The following TENM4 variants were observed in gnomAD, a reference collection of about 807,000 sequenced individuals.
The protein encoded by TENM4 is teneurin-4.
TENM4 carries 82 observed loss-of-function variants against 243.3 expected under a neutral mutation model. The ratio of observed to expected loss-of-function variants is 0.34; its 90% CI spans 0.28 to 0.40. The LOEUF is 0.40. Among genes scored for constraint, TENM4 ranks in the 10% least tolerant of loss-of-function variants. The pLI is 1.00. For missense variants in TENM4, 3,138 were observed against 3,673.3 expected, an observed-to-expected ratio of 0.85 and a Z score of 3.77; for synonymous variants, 1,412 against 1,456.3, an observed-to-expected ratio of 0.97 and a Z score of 0.69.
chr11:79,035,264 G>T (rs1022334821), intron 6 of TENM4, among the ~76,000 whole-genome samples: 1 of 152,146 alleles, frequency 6.6e-6, no homozygotes, highest in Non-Finnish European at 1.5e-5. Context: ...ATCCACAGGG[G>T]ACACGGCTGG....
rs1238272969 is a variant in TENM4 at position 79,164,014 on chromosome 11, ATATATAGTATG to A, written c.-162-15219_-162-15209del. 1.6e-4 allele frequency among the ~76,000 whole-genome samples: 11 copies of A among 69,030 alleles called. No homozygotes were observed. In the East Asian group the frequency reaches 3.6e-3, roughly 23 times the overall value. 45.3% of individuals were successfully genotyped at this position (69,030 alleles called of 152,430 possible). ...GTATATATAGTATAGTATATAGTAT[ATATATAGTATG>A]TATATAGTATATATACACTATAAAT... On this transcript the variant is annotated intron_variant, in intron 3 of 33. Coordinates refer to ENST00000278550, the MANE Select transcript of TENM4 (RefSeq NM_001098816.3).
chr11:78,814,354 C>A lies in TENM4; in HGVS notation c.1723G>T (p.Asp575Tyr). The A allele has an allele frequency of 6.4e-7, 1 of 1,550,418 alleles. No homozygotes were observed. The highest frequency in any genetic ancestry group is 8.7e-7 in the Non-Finnish European group (1 of 1,146,472). ...CAGTGGCAGGTCCCAGAGATGCAGT[C>A]ACCATTGCCATAGCAGTTGCTGGGG... is the stretch of plus-strand genomic sequence containing the variant. ...NCPSNCYGNG[D>Y]CISGTCHCFL... is the part of the protein sequence containing the mutation. The change falls in exon 13 of 34, where the codon GAC (aspartate) becomes TAC (tyrosine). Residue 575 changes from aspartate to tyrosine, a missense_variant. Around this residue, in one of 2 missense-constraint regions of TENM4, gnomAD observed 2,467 missense variants for 3,059.1 expected, o/e 0.81. Transcript: ENST00000278550.
At chr11:78,974,923 A>C (rs1364222030) in intron 6 of TENM4, among the ~76,000 whole-genome samples, 1 of 151,266 alleles carries the variant, frequency 6.6e-6, no homozygotes, top group Non-Finnish European at 1.5e-5. Context: ...GACCTTATAT[A>C]ATCTGCCCAC....
At chr11:79,299,775 C>T (rs1236299123) in intron 1 of TENM4, among the ~76,000 whole-genome samples, 1 of 152,228 alleles carries the variant, frequency 6.6e-6, no homozygotes, top group African/African-American at 2.4e-5. Context: ...AGTGACTATA[C>T]TGGACACTAA....
intron 2 of TENM4, among the ~76,000 whole-genome samples, chr11:79,227,704 G>C (rs1288546663): frequency 6.6e-6 from 1 of 152,146 alleles, no homozygotes; most frequent in East Asian, 1.9e-4. Context: ...TTTTGCTGTT[G>C]GTTGATAAAC....
chr11:78,881,224 C>T (rs1307455445), intron 9 of TENM4, among the ~76,000 whole-genome samples: 4 of 152,128 alleles, frequency 2.6e-5, no homozygotes, highest in Admixed American at 2.0e-4. Context: ...GGAATTATGA[C>T]ACAGGGGAAG....
intron 17 of TENM4, among the ~76,000 whole-genome samples, chr11:78,774,522 G>C (rs895020901): frequency 8.5e-5 from 13 of 152,168 alleles, no homozygotes; most frequent in African/African-American, 2.9e-4. Flanking sequence ...CAAGGATACT[G>C]AAATGATCAA....
intron 4 of TENM4, among the ~76,000 whole-genome samples, chr11:79,131,861 G>A (rs956701768): frequency 6.6e-6 from 1 of 152,058 alleles, no homozygotes; most frequent in African/African-American, 2.4e-5. Flanking sequence ...CATACAAATG[G>A]ACACCAAAAG....
intron 3 of TENM4, among the ~76,000 whole-genome samples, chr11:79,167,805 C>T (rs986829868): frequency 6.6e-6 from 1 of 152,124 alleles, no homozygotes; most frequent in Non-Finnish European, 1.5e-5. Flanking sequence ...TCTGACCCTC[C>T]CCTCTCTAAA....
chr11:78,897,250 G>T (rs1855819704), intron 7 of TENM4, among the ~76,000 whole-genome samples: 1 of 152,140 alleles, frequency 6.6e-6, no homozygotes, highest in Non-Finnish European at 1.5e-5. Flanking sequence ...CACTGAGAGA[G>T]GACCCCAGAA....
chr11:79,076,660 C>T (rs1202705312), intron 4 of TENM4, among the ~76,000 whole-genome samples: 1 of 151,994 alleles, frequency 6.6e-6, no homozygotes, highest in Non-Finnish European at 1.5e-5. Flanking sequence ...TTATGTGAAG[C>T]TGGGCTTGGA....
rs141006877 is a variant in TENM4 at position 79,129,265 on chromosome 11, C to T, written c.-66+19445G>A. Among the ~76,000 whole-genome samples the T allele has an allele frequency of 3.1e-3, 478 of 152,226 alleles. 2 individuals are homozygous for T. Among genetic ancestry groups the T allele is most frequent in the African/African-American group, 0.01 (431 of 41,566 alleles). On this transcript the variant is annotated intron_variant, in intron 4 of 33. Transcript: ENST00000278550. ...CATTCCTGCCTGGCACCAGAGGGAT[C>T]CATTGGGAGGGTGGCCAGAGGTGGC...
chr11:79,400,441 C>G (rs1365252190), intron 1 of TENM4, among the ~76,000 whole-genome samples: 2 of 152,146 alleles, frequency 1.3e-5, no homozygotes, highest in Non-Finnish European at 2.9e-5. Context: ...CGGGGCTAAA[C>G]TCCTCTATGC....
At chr11:79,191,946 T>G (rs1315869653) in intron 3 of TENM4, among the ~76,000 whole-genome samples, 3 of 146,272 alleles carry the variant, frequency 2.1e-5, no homozygotes, top group Non-Finnish European at 3.0e-5. Flanking sequence ...AGGAGGGAGG[T>G]GGGGGTCAGC....
intron 19 of TENM4, chr11:78,756,277 G>T: frequency 5.9e-6 from 1 of 170,074 alleles, no homozygotes; most frequent in Non-Finnish European, 1.3e-5. Flanking sequence ...CAGGAACTGT[G>T]TTCTGCTCAA....
intron 1 of TENM4, among the ~76,000 whole-genome samples, chr11:79,305,801 G>A (rs1856616810): frequency 6.6e-6 from 1 of 152,216 alleles, no homozygotes; most frequent in Non-Finnish European, 1.5e-5. Context: ...GGACAGAGCT[G>A]CAGAGCCGAG....
chr11:79,383,773 C>T (rs2135529142), intron 1 of TENM4, among the ~76,000 whole-genome samples: 1 of 152,146 alleles, frequency 6.6e-6, no homozygotes, highest in East Asian at 1.9e-4. Context: ...TACTGACATC[C>T]TTGATCAACA....
intron 6 of TENM4, among the ~76,000 whole-genome samples, chr11:79,032,805 C>CT (rs1859280889): frequency 6.6e-6 from 1 of 152,202 alleles, no homozygotes; most frequent in African/African-American, 2.4e-5. Context: ...AAAGGCGATA[C>CT]TAATAAATGA....
chr11:78,937,722 A>C (rs1283525976), intron 6 of TENM4, among the ~76,000 whole-genome samples: 1 of 152,204 alleles, frequency 6.6e-6, no homozygotes, highest in Non-Finnish European at 1.5e-5. Flanking sequence ...GCCTTCTAAG[A>C]AATCAGGAGA....
Sources: allele counts gnomAD v4.1 joint callset (sites outside exome capture counted in the v4.1 genomes callset), GRCh38; gene constraint gnomAD v4.1.1; regional missense constraint gnomAD v4.1.1; transcripts MANE v1.5; gene names NCBI Gene and HGNC (gene_info 2026-07-23, HGNC 2026-07-21).